Variants in CA10 observed in about 807,000 individuals in gnomAD.
The protein encoded by CA10 is carbonic anhydrase-related protein 10.
Under a neutral mutation model 44.2 loss-of-function variants are expected in CA10, and 14 were observed. The observed-to-expected ratio is 0.32, with a 90% CI of 0.21 to 0.50. The LOEUF is 0.50. Ranked by LOEUF, CA10 falls within the 20% of genes least tolerant of loss-of-function variation. The pLI, the probability that CA10 is intolerant of heterozygous loss-of-function variation, is 0.99. For missense variants in CA10, 350 were observed against 409.7 expected, an observed-to-expected ratio of 0.85 and a Z score of 1.26; for synonymous variants, 159 against 141.6, an observed-to-expected ratio of 1.12 and a Z score of -0.87.
At chr17:51,731,756 C>T (rs1916731448) in intron 4 of CA10, among the ~76,000 whole-genome samples, 1 of 150,588 alleles carries the variant, frequency 6.6e-6, no homozygotes, top group Non-Finnish European at 1.5e-5. Context: ...TGGCTTGTTA[C>T]AACCTCCACC....
intron 3 of CA10, among the ~76,000 whole-genome samples, chr17:51,914,326 C>T (rs1294681477): frequency 6.6e-6 from 1 of 152,122 alleles, no homozygotes; most frequent in Non-Finnish European, 1.5e-5. Flanking sequence ...GAAATTAAAA[C>T]TATGTGTTTT....
chr17:51,726,226 C>T (rs116042927), intron 4 of CA10, among the ~76,000 whole-genome samples: 126 of 132,930 alleles, frequency 9.5e-4, no homozygotes, highest in African/African-American at 3.1e-3. Flanking sequence ...AAGTCCAGCA[C>T]GAGTCCCACT....
At chr17:52,107,908 T>C (rs2143272291) in intron 1 of CA10, among the ~76,000 whole-genome samples, 1 of 152,224 alleles carries the variant, frequency 6.6e-6, no homozygotes. Context: ...CTGGAAGAAC[T>C]TCTTTTCTAC....
intron 3 of CA10, among the ~76,000 whole-genome samples, chr17:51,902,688 A>G (rs2143933901): frequency 6.6e-6 from 1 of 152,314 alleles, no homozygotes; most frequent in Admixed American, 6.5e-5. Flanking sequence ...ATGGATGAAG[A>G]TTCTGTGTAA....
intron 2 of CA10, among the ~76,000 whole-genome samples, chr17:52,017,594 A>T (rs1986008700): frequency 6.6e-6 from 1 of 152,138 alleles, no homozygotes; most frequent in South Asian, 2.1e-4. Context: ...AACAGCCTAC[A>T]GTTAATTAGA....
intron 2 of CA10, among the ~76,000 whole-genome samples, chr17:51,947,326 C>A (rs73350226): frequency 0.012 from 1,753 of 150,150 alleles, 48 homozygotes; most frequent in African/African-American, 0.04. Flanking sequence ...CAAATGGCTA[C>A]AGTGAATGGG....
At chr17:52,082,405 C>T (rs1988007381) in intron 1 of CA10, among the ~76,000 whole-genome samples, 1 of 152,140 alleles carries the variant, frequency 6.6e-6, no homozygotes, top group South Asian at 2.1e-4. Context: ...CTTCTTTCAC[C>T]AAACATTACG....
At chr17:51,828,080 G>A (rs934276036) in intron 3 of CA10, among the ~76,000 whole-genome samples, 4 of 152,144 alleles carry the variant, frequency 2.6e-5, no homozygotes, top group African/African-American at 9.7e-5. Flanking sequence ...GACTTAGAGT[G>A]AGCAAGAAAT....
At chr17:52,066,376 G>A (rs929004335) in intron 2 of CA10, among the ~76,000 whole-genome samples, 2 of 152,152 alleles carry the variant, frequency 1.3e-5, no homozygotes, top group East Asian at 1.9e-4. Flanking sequence ...ATGGTGATAC[G>A]GTTTGGCTGG....
intron 2 of CA10, among the ~76,000 whole-genome samples, chr17:52,017,528 T>A (rs1320309944): frequency 6.6e-6 from 1 of 152,098 alleles, no homozygotes; most frequent in Non-Finnish European, 1.5e-5. Context: ...ACTTAGGGTA[T>A]CTGGTAGAAG....
At chr17:51,725,031 G>A (rs1005104831) in intron 4 of CA10, among the ~76,000 whole-genome samples, 3 of 152,204 alleles carry the variant, frequency 2.0e-5, no homozygotes, top group South Asian at 4.1e-4. Context: ...AGCAAAAAAG[G>A]AATTATATCC....
chr17:52,003,272 T>C (rs766812415), intron 2 of CA10, among the ~76,000 whole-genome samples: 1 of 151,866 alleles, frequency 6.6e-6, no homozygotes, highest in Non-Finnish European at 1.5e-5. Flanking sequence ...CCCTCACCCC[T>C]TTTTCACTGT....
chr17:51,838,544 G>T (rs1025355505), intron 3 of CA10, among the ~76,000 whole-genome samples: 1 of 152,204 alleles, frequency 6.6e-6, no homozygotes. Context: ...GCCATGAGGC[G>T]CTGAATGCAG....
chr17:51,777,999 A>G (rs1905897495), intron 3 of CA10, among the ~76,000 whole-genome samples: 2 of 152,186 alleles, frequency 1.3e-5, no homozygotes, highest in African/African-American at 4.8e-5. Flanking sequence ...ATCTGTTGTG[A>G]GGCAGGATTG....
chr17:51,745,166 C>G (rs1400166960), intron 4 of CA10, among the ~76,000 whole-genome samples: 1 of 152,122 alleles, frequency 6.6e-6, no homozygotes, highest in Non-Finnish European at 1.5e-5. Flanking sequence ...GCCTTCCCCC[C>G]TTTTTAGCAG....
intron 3 of CA10, among the ~76,000 whole-genome samples, chr17:51,831,809 G>C (rs1908289607): frequency 6.6e-6 from 1 of 151,856 alleles, no homozygotes; most frequent in South Asian, 2.1e-4. Flanking sequence ...AAAAGGATCT[G>C]ACAAGGAAGA....
At chr17:51,900,584 G>T (rs1418672830) in intron 3 of CA10, among the ~76,000 whole-genome samples, 1 of 152,148 alleles carries the variant, frequency 6.6e-6, no homozygotes, top group Non-Finnish European at 1.5e-5. Flanking sequence ...AACAAGGTTG[G>T]AGAAATTTTC....
At chr17:52,088,788 C>A (rs1419491519) in intron 1 of CA10, among the ~76,000 whole-genome samples, 1 of 151,926 alleles carries the variant, frequency 6.6e-6, no homozygotes, top group African/African-American at 2.4e-5. Flanking sequence ...ATTACAAAAG[C>A]AAGAAATGAA....
chr17:52,020,314 T>TG (rs773867089), intron 2 of CA10, among the ~76,000 whole-genome samples: 12 of 151,848 alleles, frequency 7.9e-5, no homozygotes, highest in Non-Finnish European at 1.2e-4. Context: ...ATCATTGTTT[T>TG]GGGGGGGTGG....
Sources: allele counts gnomAD v4.1 joint callset (sites outside exome capture counted in the v4.1 genomes callset), GRCh38; gene constraint gnomAD v4.1.1; transcripts MANE v1.5; gene names NCBI Gene and HGNC (gene_info 2026-07-23, HGNC 2026-07-21).